IRF2: variants seen among roughly 807,000 people sequenced by gnomAD.
The protein encoded by IRF2 is interferon regulatory factor 2.
In IRF2, 15 loss-of-function variants were observed where a neutral mutation model predicts 40.6. The observed-to-expected ratio is 0.37, with a 90% CI of 0.25 to 0.57. The LOEUF is 0.57. Among genes scored for constraint, IRF2 ranks in the 20% least tolerant of loss-of-function variants. The pLI is 0.77. For missense variants in IRF2, 317 were observed against 455.7 expected (o/e 0.70, Z 2.77); for synonymous variants, 151 against 165.5 (o/e 0.91, Z 0.67).
chr4:184,428,751 A>T (rs1369608268), intron 2 of IRF2: 6 of 568,590 alleles, frequency 1.1e-5, no homozygotes, highest in Admixed American at 8.8e-5. Context: ...GTGAGTTATG[A>T]CTGCACCACT....
At chr4:184,390,950 A>AGG (rs2149890111) in intron 7 of IRF2, among the ~76,000 whole-genome samples, 1 of 152,360 alleles carries the variant, frequency 6.6e-6, no homozygotes, top group South Asian at 2.1e-4. Context: ...GAGAGCTGTG[A>AGG]GGAGGCTCCC....
chr4:184,393,624 A>G (rs1276557634), intron 7 of IRF2, among the ~76,000 whole-genome samples: 2 of 152,232 alleles, frequency 1.3e-5, no homozygotes, highest in Admixed American at 6.5e-5. Context: ...GCTGCAGATA[A>G]GAAAAGATAC....
intron 7 of IRF2, among the ~76,000 whole-genome samples, chr4:184,390,999 T>A (rs1561079563): frequency 6.6e-6 from 1 of 152,194 alleles, no homozygotes; most frequent in Non-Finnish European, 1.5e-5. Flanking sequence ...GGGCACTACC[T>A]CCCAGGAAGG....
chr4:184,441,230 A>G (rs1044674717), intron 1 of IRF2, among the ~76,000 whole-genome samples: 1 of 152,204 alleles, frequency 6.6e-6, no homozygotes, highest in South Asian at 2.1e-4. Flanking sequence ...CAAACACCCA[A>G]TGAATGTAGA....
At position 184,424,494 on chromosome 4, in the gene IRF2, G is replaced by A. The variant is rs1737598115; in HGVS notation, c.87+4484C>T. ...TCCATTCAGGGATTAATGGATTAAT[G>A]AGTTGTCATGAGGGGTAGGATTGTG... is the stretch of plus-strand genomic sequence containing the variant. On this transcript the variant is annotated intron_variant, in intron 2 of 8. Transcript: ENST00000393593. Among the ~76,000 whole-genome samples, 3 of 150,420 alleles carry A rather than the reference G, an allele frequency of 2.0e-5. No individual in the cohort carries two copies. In the South Asian group the frequency reaches 6.3e-4, roughly 31 times the overall value.
intron 7 of IRF2, among the ~76,000 whole-genome samples, chr4:184,395,226 A>G (rs1333320473): frequency 1.3e-5 from 2 of 151,940 alleles, no homozygotes; most frequent in East Asian, 3.9e-4. Context: ...CCTGGCTAAC[A>G]CGGTGAAACC....
chr4:184,472,736 A>C (rs1413360794), intron 1 of IRF2: 1 of 152,322 alleles, frequency 6.6e-6, no homozygotes, highest in African/African-American at 2.4e-5. Context: ...AACGAGCGAA[A>C]GCCACCTCGC....
chr4:184,406,836 T>C (rs1163695766), intron 6 of IRF2, among the ~76,000 whole-genome samples: 1 of 152,194 alleles, frequency 6.6e-6, no homozygotes, highest in Non-Finnish European at 1.5e-5. Context: ...GGCTTGAGTT[T>C]CACCATAGAT....
intron 1 of IRF2, among the ~76,000 whole-genome samples, chr4:184,453,294 C>T (rs1172713720): frequency 6.6e-6 from 1 of 152,150 alleles, no homozygotes; most frequent in Non-Finnish European, 1.5e-5. Flanking sequence ...TAAATTGAAA[C>T]TCATGCTGGG....
chr4:184,445,681 G>GAACAAT (rs1477629833), intron 1 of IRF2, among the ~76,000 whole-genome samples: 5 of 150,260 alleles, frequency 3.3e-5, no homozygotes, highest in African/African-American at 9.8e-5. Flanking sequence ...AGAAGAAGAA[G>GAACAAT]AACAATACAG....
Position 184,408,429 on chromosome 4 carries a change from G to C in IRF2, c.412-154C>G, listed in dbSNP as rs552614556. The stretch of plus-strand genomic sequence containing the variant: ...ATCCCCTGCTTCTTTAAACTGGCCT[G>C]TTTTAAAGCACATTTCTGCCCAGGG... On this transcript the variant is annotated intron_variant, in intron 5 of 8. Transcript: ENST00000393593. The surrounding 1 kb of genome is among the most constrained non-coding windows in gnomAD (Gnocchi z 4.9). Among the ~76,000 whole-genome samples the C allele has an allele frequency of 3.3e-5, 5 of 152,288 alleles. No individual in the cohort carries two copies. The highest frequency in any genetic ancestry group is 1.3e-4 in the Admixed American group (2 of 15,310).
At chr4:184,466,060 G>GTTTTTT (rs750400403) in intron 1 of IRF2, among the ~76,000 whole-genome samples, 1 of 109,700 alleles carries the variant, frequency 9.1e-6, no homozygotes, top group African/African-American at 3.0e-5. Context: ...GTTGTTTTTT[G>GTTTTTT]TTTTTTGTTT....
chr4:184,423,316 T>G (rs1021306205), intron 2 of IRF2, among the ~76,000 whole-genome samples: 6 of 152,254 alleles, frequency 3.9e-5, no homozygotes, highest in Non-Finnish European at 7.3e-5. Context: ...TCTGCCCATC[T>G]GAAGGAAGGC....
At chr4:184,428,300 A>G (rs58529169) in intron 2 of IRF2, among the ~76,000 whole-genome samples, 1 of 152,072 alleles carries the variant, frequency 6.6e-6, no homozygotes. Context: ...CTAATATAAA[A>G]CCCTGGAGTT....
At chr4:184,411,022 G>A (rs913625002) in intron 5 of IRF2, among the ~76,000 whole-genome samples, 3 of 151,528 alleles carry the variant, frequency 2.0e-5, no homozygotes, top group Non-Finnish European at 4.4e-5. Flanking sequence ...CGGAGACTGA[G>A]ACACTCTTTT....
intron 7 of IRF2, among the ~76,000 whole-genome samples, chr4:184,395,139 C>T (rs1015685828): frequency 2.0e-5 from 3 of 151,828 alleles, no homozygotes; most frequent in Admixed American, 6.6e-5. Flanking sequence ...ATGCCGGGCG[C>T]GGTGGCTCAC....
intron 1 of IRF2, among the ~76,000 whole-genome samples, chr4:184,466,903 A>T (rs1739349061): frequency 6.6e-6 from 1 of 152,206 alleles, no homozygotes; most frequent in African/African-American, 2.4e-5. Flanking sequence ...CACAATGGCA[A>T]GTATCTGTGT....
In IRF2 at chr4:184,448,811, C is replaced by T. The variant is rs3775573; in HGVS notation, c.-6-19741G>A. On this transcript the variant is annotated intron_variant, in intron 1 of 8. Coordinates refer to ENST00000393593, the MANE Select transcript of IRF2 (RefSeq NM_002199.4). The surrounding 1 kb of genome is among the most constrained non-coding windows in gnomAD (Gnocchi z 4.3). ...GGCATTCCCAGAATAGTTTCATTTTCGATCATGACAACAGTTCCCACTCCC... is the reference window on the plus strand; with the variant it reads ...GGCATTCCCAGAATAGTTTCATTTTTGATCATGACAACAGTTCCCACTCCC... The T allele has an allele frequency of 0.014, 2,159 of 152,306 alleles. 165 individuals carry two copies. In the East Asian group the frequency reaches 0.23, roughly 16 times the overall value. The allele number at this position is 152,306 out of a possible 1,614,324, so 9.4% of individuals were successfully genotyped here. A position where few individuals can be genotyped will look rare whatever the true frequency, so the allele number is the denominator to read the frequency against.
rs1364976757 is a variant in IRF2, at chr4:184,388,826, G to A, written c.982C>T (p.Arg328Trp). Residue 328 changes from arginine (R) to tryptophan (W), a missense_variant, in exon 9 of 9, where the codon CGG (arginine) becomes TGG (tryptophan). Coordinates refer to ENST00000393593, the MANE Select transcript of IRF2 (RefSeq NM_002199.4). The surrounding 1 kb of genome is among the most constrained non-coding windows in gnomAD (Gnocchi z 4.6). ...TPASSSSRPD[R>W]ETRASVIKKT... ...TTGATGACGCTGGCCCGGGTCTCCCGGTCTGGCCGACTGCTGCTGGATGCT... is the reference window on the plus strand; with the variant it reads ...TTGATGACGCTGGCCCGGGTCTCCCAGTCTGGCCGACTGCTGCTGGATGCT... 12 of 1,613,856 alleles carry A rather than the reference G, an allele frequency of 7.4e-6. No homozygotes were observed. Among genetic ancestry groups the A allele is most frequent in the South Asian group, 4.4e-5 (4 of 91,082 alleles).
Sources: gnomAD v4.1 joint callset for allele counts (sites outside exome capture counted in the v4.1 genomes callset) on GRCh38, gnomAD v4.1.1 for gene constraint, Gnocchi (gnomAD v3.1) non-coding constraint, MANE v1.5 for transcripts, NCBI Gene and HGNC (gene_info 2026-07-23, HGNC 2026-07-21) for gene names.